Variants in VSNL1 observed in about 807,000 individuals in gnomAD.
The protein encoded by VSNL1 is visinin like 1, also known as visinin-like protein 1.
Under a neutral mutation model 20.4 loss-of-function variants are expected in VSNL1, and 6 were observed. The ratio of observed to expected loss-of-function variants is 0.29; its 90% CI spans 0.16 to 0.58. The LOEUF (loss-of-function observed/expected upper bound fraction) is 0.58. Ranked by LOEUF, VSNL1 falls within the 20% of genes least tolerant of loss-of-function variation. VSNL1 has a pLI of 0.90. For missense variants in VSNL1, 100 were observed against 234.5 expected, an observed-to-expected ratio of 0.43 and a Z score of 3.75; for synonymous variants, 93 against 86.4, an observed-to-expected ratio of 1.08 and a Z score of -0.42.
At chr2:17,602,941 C>A (rs1444386122) in intron 2 of VSNL1, among the ~76,000 whole-genome samples, 2 of 152,130 alleles carry the variant, frequency 1.3e-5, no homozygotes, top group Non-Finnish European at 2.9e-5. Flanking sequence ...TCTTACCCTA[C>A]TCTAAGGGCC....
intron 2 of VSNL1, among the ~76,000 whole-genome samples, chr2:17,623,334 G>A (rs964203201): frequency 7.2e-5 from 11 of 152,102 alleles, no homozygotes; most frequent in East Asian, 3.9e-4. Context: ...AAAACAGTAC[G>A]GTATTGATGC....
At chr2:17,549,905 A>G (rs556622926) in intron 1 of VSNL1, among the ~76,000 whole-genome samples, 124 of 152,242 alleles carry the variant, frequency 8.1e-4, no homozygotes, top group Non-Finnish European at 1.4e-3. Flanking sequence ...AAGCTGAACT[A>G]TGTAATAGAA....
At chr2:17,594,827 CCA>C (rs776024946) in intron 2 of VSNL1, among the ~76,000 whole-genome samples, 1 of 152,226 alleles carries the variant, frequency 6.6e-6, no homozygotes, top group Non-Finnish European at 1.5e-5. Context: ...AGGCCAGGGG[CCA>C]CAGTCTCCCA....
At chr2:17,550,173 T>G (rs1663499241) in intron 1 of VSNL1, among the ~76,000 whole-genome samples, 1 of 152,214 alleles carries the variant, frequency 6.6e-6, no homozygotes, top group South Asian at 2.1e-4. Context: ...AAAAGGTGAT[T>G]TATAATCAAA....
intron 2 of VSNL1, among the ~76,000 whole-genome samples, chr2:17,648,822 G>C (rs1446911002): frequency 6.6e-6 from 1 of 152,170 alleles, no homozygotes; most frequent in African/African-American, 2.4e-5. Context: ...AATAAGCCCA[G>C]TCATGTTCTA....
At chr2:17,574,197 T>G (rs1664148598) in intron 1 of VSNL1, among the ~76,000 whole-genome samples, 2 of 151,954 alleles carry the variant, frequency 1.3e-5, no homozygotes. Flanking sequence ...TATGTCTTTC[T>G]TTGATCCCCC....
intron 1 of VSNL1, among the ~76,000 whole-genome samples, chr2:17,579,478 T>C (rs1273492708): frequency 6.6e-6 from 1 of 152,194 alleles, no homozygotes; most frequent in Non-Finnish European, 1.5e-5. Flanking sequence ...GCCTGGAAAG[T>C]GCACTAGATT....
chr2:17,548,019 TCTCCCCACACCTC>T (rs1167527862), intron 1 of VSNL1, among the ~76,000 whole-genome samples: 1 of 152,122 alleles, frequency 6.6e-6, no homozygotes, highest in Non-Finnish European at 1.5e-5. Flanking sequence ...TATCTGATAC[TCTCCCCACACCTC>T]CTCTATTTTT....
intron 3 of VSNL1, among the ~76,000 whole-genome samples, chr2:17,650,454 G>T (rs1202715785): frequency 6.6e-6 from 1 of 152,246 alleles, no homozygotes; most frequent in Non-Finnish European, 1.5e-5. Context: ...CCCAGACCCA[G>T]CCTGGAGCCT....
chr2:17,578,802 C>T (rs910110564), intron 1 of VSNL1, among the ~76,000 whole-genome samples: 2 of 152,220 alleles, frequency 1.3e-5, no homozygotes, highest in Non-Finnish European at 2.9e-5. Flanking sequence ...TTCACAAAGG[C>T]CCAGCAAGGA....
chr2:17,649,866 T>G lies in VSNL1; in HGVS notation c.378+241T>G, dbSNP rs1201497565. On this transcript the variant is annotated intron_variant, in intron 3 of 3. Transcript: ENST00000295156. The surrounding 1 kb of genome is among the most constrained non-coding windows in gnomAD (Gnocchi z 6.4). ...TTGTCATCTGCCATTCACTCACTAC[T>G]GGATCTCCCACGAACCTGTCTTACT... Among the ~76,000 whole-genome samples the G allele has an allele frequency of 6.6e-6, 1 of 152,218 alleles. No individual in the cohort carries two copies. The highest frequency in any genetic ancestry group is 1.5e-5 in the Non-Finnish European group (1 of 68,024).
chr2:17,583,396 G>A (rs990424473), intron 1 of VSNL1, among the ~76,000 whole-genome samples: 2 of 152,194 alleles, frequency 1.3e-5, no homozygotes, highest in Non-Finnish European at 2.9e-5. Context: ...ACAATCTGTT[G>A]GACAGAAGGC....
At chr2:17,591,886 GTC>G (rs1220390154) in intron 1 of VSNL1, among the ~76,000 whole-genome samples, 182 bp from the exon 2 acceptor site, 3 of 151,970 alleles carry the variant, frequency 2.0e-5, no homozygotes, top group Non-Finnish European at 4.4e-5. Context: ...TGTCAGAAGA[GTC>G]TATTTCACTC....
intron 1 of VSNL1, among the ~76,000 whole-genome samples, chr2:17,554,833 T>C (rs780497555): frequency 6.6e-6 from 1 of 152,196 alleles, no homozygotes; most frequent in African/African-American, 2.4e-5. Context: ...TTCAATATTG[T>C]TTTCTAATAG....
chr2:17,583,642 G>T (rs1242293406), intron 1 of VSNL1, among the ~76,000 whole-genome samples: 1 of 152,156 alleles, frequency 6.6e-6, no homozygotes, highest in Non-Finnish European at 1.5e-5. Context: ...CTGTTCAGTG[G>T]GTGAGCAAGA....
At chr2:17,621,748 C>G (rs556259618) in intron 2 of VSNL1, among the ~76,000 whole-genome samples, 1 of 152,188 alleles carries the variant, frequency 6.6e-6, no homozygotes, top group Non-Finnish European at 1.5e-5. Context: ...TTGTCTCTGC[C>G]TTCTGGGTAG....
intron 2 of VSNL1, among the ~76,000 whole-genome samples, chr2:17,628,646 GA>G (rs1307811760): frequency 6.6e-6 from 1 of 152,212 alleles, no homozygotes; most frequent in Non-Finnish European, 1.5e-5. Flanking sequence ...AATGGTGTTA[GA>G]GAAATTCAAA....
At chr2:17,585,751 C>T (rs767307858) in intron 1 of VSNL1, among the ~76,000 whole-genome samples, 1 of 151,958 alleles carries the variant, frequency 6.6e-6, no homozygotes, top group Non-Finnish European at 1.5e-5. Flanking sequence ...GAGGAGCCTA[C>T]AGGCAAATCT....
chr2:17,585,808 C>T (rs112924010), intron 1 of VSNL1, among the ~76,000 whole-genome samples: 17,011 of 143,012 alleles, frequency 0.12, 1,621 homozygotes, highest in African/African-American at 0.27. Flanking sequence ...TTCTTTTTTT[C>T]TTTTTTTTTT....
Sources: allele counts gnomAD v4.1 joint callset (sites outside exome capture counted in the v4.1 genomes callset), GRCh38; gene constraint gnomAD v4.1.1; non-coding constraint Gnocchi (gnomAD v3.1); transcripts MANE v1.5; gene names NCBI Gene and HGNC (gene_info 2026-07-23, HGNC 2026-07-21).